EIF5B: variants seen among roughly 807,000 people sequenced by gnomAD.
EIF5B encodes eukaryotic translation initiation factor 5B.
A neutral mutation model predicts 147.5 loss-of-function variants in EIF5B; 47 were observed. The ratio of observed to expected loss-of-function variants is 0.32; its 90% CI spans 0.25 to 0.41. The LOEUF is 0.41. EIF5B is among the 10% of genes least tolerant of loss of function. The pLI, the probability that EIF5B is intolerant of heterozygous loss-of-function variation, is 1.00. For synonymous variants in EIF5B, 455 were observed against 456.2 expected (o/e 1.00, Z 0.03); for missense variants, 1,064 against 1,413.2 (o/e 0.75, Z 3.96).
intron 17 of EIF5B, among the ~76,000 whole-genome samples, chr2:99,391,104 G>A (rs1215145149): frequency 2.0e-5 from 3 of 152,116 alleles, no homozygotes; most frequent in Non-Finnish European, 2.9e-5. Flanking sequence ...ATACACAGTC[G>A]ACTAACATGT....
intron 7 of EIF5B, among the ~76,000 whole-genome samples, chr2:99,369,002 G>C (rs1028492431): frequency 2.0e-5 from 3 of 152,272 alleles, no homozygotes; most frequent in African/African-American, 7.2e-5. Context: ...GCTGGGTACA[G>C]TGGCTCACGC....
intron 1 of EIF5B, among the ~76,000 whole-genome samples, chr2:99,358,658 G>C (rs1674143197): frequency 6.6e-6 from 1 of 152,108 alleles, no homozygotes; most frequent in Non-Finnish European, 1.5e-5. Flanking sequence ...CATTTCTTGG[G>C]TGGTTCAGAT....
intron 16 of EIF5B, 69 bp downstream of exon 16, chr2:99,390,470 T>A: frequency 6.3e-7 from 1 of 1,581,576 alleles, no homozygotes; most frequent in Non-Finnish European, 8.6e-7. Context: ...GAGTGGAGGA[T>A]ATTTACTACT....
In EIF5B at chr2:99,391,144, T is replaced by C. The variant is rs551373717; in HGVS notation, c.2748+439T>C. ...TATGTTTTATATATTACATACTGCA[T>C]TCTTACAGTAAAACAAGCTAGAGAA... On this transcript the variant is annotated intron_variant, in intron 17 of 23. Coordinates refer to ENST00000289371, the MANE Select transcript of EIF5B (RefSeq NM_015904.4). Among the ~76,000 whole-genome samples the C allele has an allele frequency of 3.9e-4, 60 of 152,320 alleles. 2 individuals are homozygous for C. In the South Asian group the frequency reaches 1.0e-2, roughly 25 times the overall value.
intron 1 of EIF5B, among the ~76,000 whole-genome samples, chr2:99,341,578 C>T (rs191250343): frequency 3.3e-5 from 5 of 152,282 alleles, no homozygotes; most frequent in Non-Finnish European, 5.9e-5. Context: ...AACTGAGTGT[C>T]AGTGGTTAGG....
At chr2:99,344,336 G>A (rs949734249) in intron 1 of EIF5B, among the ~76,000 whole-genome samples, 2 of 152,104 alleles carry the variant, frequency 1.3e-5, no homozygotes, top group Non-Finnish European at 2.9e-5. Context: ...CTAGATATAT[G>A]GATTTATTTC....
Position 99,390,697 on chromosome 2 carries a change from C to A in EIF5B, c.2740C>A (p.Arg914=). The A allele has an allele frequency of 1.2e-6, 2 of 1,600,454 alleles. No individual in the cohort carries two copies. The highest frequency in any genetic ancestry group is 1.1e-5 in the South Asian group (1 of 90,736). The change falls in exon 17 of 24, where the codon CGA becomes AGA. Residue 914 remains arginine, a synonymous_variant. Transcript: ENST00000289371. ...GTTACCTCCTCCTATGAAGGAATTA[C>A]GAGTGAAGGTATGCTGAGGTGGGAA... ...LLLPPPMKEL[R]VKNQYEKHKE...
At chr2:99,395,779 G>C (rs567303619) in intron 21 of EIF5B, among the ~76,000 whole-genome samples, 1 of 152,180 alleles carries the variant, frequency 6.6e-6, no homozygotes, top group Admixed American at 6.5e-5. Flanking sequence ...TTCAGACAGA[G>C]TAAGCCACAC....
rs1477742776 is a variant in EIF5B, at chr2:99,361,434, C to T, written c.533C>T (p.Ser178Leu). The T allele has an allele frequency of 6.2e-7, 1 of 1,613,534 alleles. No individual in the cohort carries two copies. Among genetic ancestry groups the T allele is most frequent in the Non-Finnish European group, 8.5e-7 (1 of 1,179,962 alleles). The change falls in exon 4 of 24, where the codon TCA becomes TTA. Residue 178 changes from serine (S) to leucine (L), a missense_variant. Around this residue, in one of 4 missense-constraint regions of EIF5B, gnomAD observed 458 missense variants for 451.3 expected, o/e 1.01. Coordinates refer to ENST00000289371, the MANE Select transcript of EIF5B (RefSeq NM_015904.4). Reference protein sequence around the residue: ...EDNSKKIKERSRINSSGESGD... With the variant: ...EDNSKKIKERLRINSSGESGD... ...AACAGTAAAAAAATTAAAGAGCGTT[C>T]AAGAATAAATTCTTCTGGTGAAAGT...
chr2:99,396,315 G>T (rs996393700), intron 21 of EIF5B, among the ~76,000 whole-genome samples: 1 of 152,190 alleles, frequency 6.6e-6, no homozygotes, highest in Non-Finnish European at 1.5e-5. Flanking sequence ...ACGTGGTGGA[G>T]AAAAGGAGGG....
intron 1 of EIF5B, among the ~76,000 whole-genome samples, chr2:99,345,701 T>C (rs1256358292): frequency 7.2e-5 from 11 of 151,884 alleles, no homozygotes; most frequent in African/African-American, 2.4e-4. Context: ...TCCCAGCACT[T>C]TGGGAGGCTG....
At chr2:99,383,005 C>A (rs551865878) in intron 14 of EIF5B, 84 bp downstream of exon 14, 3 of 1,383,948 alleles carry the variant, frequency 2.2e-6, no homozygotes, top group East Asian at 4.8e-5. Flanking sequence ...AATTAACTTA[C>A]AAGCATAGCT....
chr2:99,373,494 T>C (rs1464651451), intron 9 of EIF5B, among the ~76,000 whole-genome samples: 3 of 152,204 alleles, frequency 2.0e-5, no homozygotes, highest in Non-Finnish European at 4.4e-5. Context: ...TGAATCCATT[T>C]ATGAGAGTGA....
chr2:99,349,602 T>A (rs1469032727), intron 1 of EIF5B, among the ~76,000 whole-genome samples: 1 of 152,200 alleles, frequency 6.6e-6, no homozygotes, highest in African/African-American at 2.4e-5. Context: ...ACTCCAAAGT[T>A]GAGTACATGC....
chr2:99,358,445 A>G (rs889418567), intron 1 of EIF5B, among the ~76,000 whole-genome samples: 1 of 152,162 alleles, frequency 6.6e-6, no homozygotes, highest in Non-Finnish European at 1.5e-5. Context: ...CAAATCCCAT[A>G]TCTCCGACTC....
At chr2:99,348,323 T>C (rs1224814271) in intron 1 of EIF5B, among the ~76,000 whole-genome samples, 1 of 152,214 alleles carries the variant, frequency 6.6e-6, no homozygotes, top group African/African-American at 2.4e-5. Context: ...AGCTTATTGA[T>C]TGTAGTACTT....
intron 1 of EIF5B, among the ~76,000 whole-genome samples, chr2:99,350,638 A>T (rs748904663): frequency 6.6e-6 from 1 of 151,906 alleles, no homozygotes; most frequent in African/African-American, 2.4e-5. Context: ...TTTGAGTTCC[A>T]TATGTATTCT....
At position 99,389,712 on chromosome 2, in the gene EIF5B, T is replaced by C. The variant is rs951714431; in HGVS notation, c.2272-6T>C. The C allele has an allele frequency of 6.3e-7, 1 of 1,582,558 alleles. No homozygotes were observed. Among genetic ancestry groups the C allele is most frequent in the Non-Finnish European group, 8.5e-7 (1 of 1,171,784 alleles). The stretch of plus-strand genomic sequence containing the variant: ...AGAGATCTTTCTCATGAAAAAACTT[T>C]TTCAGATTGATAGGTTATATGATTG... On this transcript the variant is annotated splice_polypyrimidine_tract_variant and splice_region_variant and intron_variant, in intron 14 of 23. Transcript: ENST00000289371.
At chr2:99,387,668 T>G (rs1674841330) in intron 14 of EIF5B, among the ~76,000 whole-genome samples, 1 of 152,216 alleles carries the variant, frequency 6.6e-6, no homozygotes, top group Admixed American at 6.5e-5. Flanking sequence ...TCAGTCAGCT[T>G]GTTCGTTTCC....
Sources: gnomAD v4.1 joint callset for allele counts (sites outside exome capture counted in the v4.1 genomes callset) on GRCh38, gnomAD v4.1.1 for gene constraint, gnomAD v4.1.1 regional missense constraint, MANE v1.5 for transcripts, NCBI Gene and HGNC (gene_info 2026-07-23, HGNC 2026-07-21) for gene names.